Variants in PTPRT observed in about 807,000 individuals in gnomAD.
The protein encoded by PTPRT is protein tyrosine phosphatase receptor type T.
PTPRT carries 56 observed loss-of-function variants against 176.8 expected under a neutral mutation model. The ratio of observed to expected loss-of-function variants is 0.32; its 90% CI spans 0.26 to 0.40. The LOEUF (loss-of-function observed/expected upper bound fraction) is 0.40, where lower values mean the gene tolerates loss of function less well. Among genes scored for constraint, PTPRT ranks in the 10% least tolerant of loss-of-function variants. PTPRT has a pLI of 1.00. For synonymous variants in PTPRT, 783 were observed against 739.0 expected (o/e 1.06, Z -0.96); for missense variants, 1,540 against 1,908.2 (o/e 0.81, Z 3.60).
intron 1 of PTPRT, among the ~76,000 whole-genome samples, chr20:43,143,913 C>A (rs2014091867): frequency 6.6e-6 from 1 of 152,158 alleles, no homozygotes; most frequent in Non-Finnish European, 1.5e-5. Context: ...TCTATAGGGT[C>A]ACAAGGTGCT....
chr20:42,288,008 A>AT (rs1008289100), intron 12 of PTPRT, among the ~76,000 whole-genome samples: 5 of 152,096 alleles, frequency 3.3e-5, no homozygotes, highest in South Asian at 2.1e-4. Flanking sequence ...AGCAAAGTAC[A>AT]TTTTTTTGTT....
chr20:43,023,232 A>G (rs1178743296), intron 1 of PTPRT, among the ~76,000 whole-genome samples: 3 of 152,152 alleles, frequency 2.0e-5, no homozygotes, highest in Admixed American at 1.3e-4. Flanking sequence ...CCACTCCCCA[A>G]ACAAGGTAGA....
chr20:42,595,316 C>T (rs529578504), intron 7 of PTPRT, among the ~76,000 whole-genome samples: 8 of 152,034 alleles, frequency 5.3e-5, no homozygotes. Flanking sequence ...CCAGAAAATT[C>T]TTTTCTTGTG....
At chr20:42,487,962 A>C (rs923248963) in intron 7 of PTPRT, among the ~76,000 whole-genome samples, 1 of 152,106 alleles carries the variant, frequency 6.6e-6, no homozygotes, top group Non-Finnish European at 1.5e-5. Context: ...AATACATGTA[A>C]TTGTTTACTA....
At chr20:42,733,383 G>A (rs760806393) in intron 6 of PTPRT, among the ~76,000 whole-genome samples, 5 of 152,188 alleles carry the variant, frequency 3.3e-5, no homozygotes, top group Non-Finnish European at 5.9e-5. Context: ...CACGGCATGC[G>A]CTGCTCTTTG....
chr20:42,697,614 C>A (rs1344200640), intron 6 of PTPRT, among the ~76,000 whole-genome samples: 1 of 152,176 alleles, frequency 6.6e-6, no homozygotes, highest in Admixed American at 6.6e-5. Flanking sequence ...TTCAAATGTT[C>A]CAGCACGTGA....
At chr20:42,787,214 T>C (rs1210866531) in intron 3 of PTPRT, among the ~76,000 whole-genome samples, 5 of 152,298 alleles carry the variant, frequency 3.3e-5, no homozygotes, top group African/African-American at 4.8e-5. Context: ...TAAATGTCTA[T>C]GGATAGGAAG....
chr20:42,600,692 T>C (rs2073764589), intron 7 of PTPRT, among the ~76,000 whole-genome samples: 1 of 152,162 alleles, frequency 6.6e-6, no homozygotes, highest in South Asian at 2.1e-4. Context: ...TAGCTACCAG[T>C]TATAAGTGAG....
chr20:42,037,395 T>C, the PTPRT span, among the ~76,000 whole-genome samples: 1 of 151,894 alleles, frequency 6.6e-6, no homozygotes, highest in Admixed American at 6.6e-5. Context: ...TAGGGAGGGG[T>C]ACAGGGGACC....
At chr20:42,638,269 T>C (rs950705116) in intron 7 of PTPRT, among the ~76,000 whole-genome samples, 6 of 152,042 alleles carry the variant, frequency 3.9e-5, no homozygotes, top group African/African-American at 1.4e-4. Context: ...GTATAACAGA[T>C]TGGGATAGAC....
At chr20:42,438,440 A>G (rs2059282797) in intron 9 of PTPRT, among the ~76,000 whole-genome samples, 1 of 152,300 alleles carries the variant, frequency 6.6e-6, no homozygotes, top group South Asian at 2.1e-4. Context: ...AGTTTAGGAG[A>G]AAACAGACAT....
chr20:42,693,338 AG>A (rs2075820653), intron 6 of PTPRT, among the ~76,000 whole-genome samples: 1 of 152,224 alleles, frequency 6.6e-6, no homozygotes, highest in Non-Finnish European at 1.5e-5. Context: ...CAGGCTTTCT[AG>A]ACAATTTGAC....
chr20:42,418,323 C>T (rs1175561511), intron 9 of PTPRT, among the ~76,000 whole-genome samples: 1 of 151,992 alleles, frequency 6.6e-6, no homozygotes, highest in Admixed American at 6.5e-5. Context: ...ACATATGTGA[C>T]TCACATAATG....
intron 7 of PTPRT, among the ~76,000 whole-genome samples, chr20:42,602,750 G>GTT (rs2073804131): frequency 6.6e-6 from 1 of 151,866 alleles, no homozygotes; most frequent in Non-Finnish European, 1.5e-5. Flanking sequence ...CTAAATACTA[G>GTT]ATGGTGACAG....
chr20:42,192,616 G>A (rs1328936257), intron 16 of PTPRT, among the ~76,000 whole-genome samples: 1 of 152,092 alleles, frequency 6.6e-6, no homozygotes, highest in Non-Finnish European at 1.5e-5. Context: ...GGTATATTTT[G>A]GTCATGTTGG....
chr20:42,429,921 G>C (rs1601010535), intron 9 of PTPRT, among the ~76,000 whole-genome samples: 1 of 152,304 alleles, frequency 6.6e-6, no homozygotes, highest in East Asian at 1.9e-4. Context: ...TTTGGGAGTG[G>C]GGATGGAAAA....
chr20:42,670,283 C>T (rs528586465), intron 7 of PTPRT, among the ~76,000 whole-genome samples: 23 of 152,238 alleles, frequency 1.5e-4, no homozygotes, highest in African/African-American at 5.5e-4. Context: ...CTCACTGAAG[C>T]TTTCCAACAA....
chr20:42,240,977 T>G (rs1219244469), intron 14 of PTPRT, among the ~76,000 whole-genome samples: 1 of 152,234 alleles, frequency 6.6e-6, no homozygotes, highest in African/African-American at 2.4e-5. Flanking sequence ...ATGAACTATT[T>G]TATTTAATCT....
At chr20:42,379,497 T>G (rs961137466) in intron 9 of PTPRT, among the ~76,000 whole-genome samples, 2 of 152,196 alleles carry the variant, frequency 1.3e-5, no homozygotes, top group Non-Finnish European at 2.9e-5. Context: ...AGGCATCCAG[T>G]GCATGCTTCC....
Sources: allele counts gnomAD v4.1 joint callset (sites outside exome capture counted in the v4.1 genomes callset), GRCh38; gene constraint gnomAD v4.1.1; transcripts MANE v1.5; gene names NCBI Gene and HGNC (gene_info 2026-07-23, HGNC 2026-07-21).